The following SLC26A8 variants were observed in gnomAD, a reference collection of about 807,000 sequenced individuals.
SLC26A8 encodes testis anion transporter 1.
In SLC26A8, 70 loss-of-function variants were observed where a neutral mutation model predicts 105.0. The ratio of observed to expected loss-of-function variants is 0.67; its 90% CI spans 0.55 to 0.81. The LOEUF (loss-of-function observed/expected upper bound fraction) is 0.81, where lower values mean the gene tolerates loss of function less well. SLC26A8 is among the 40% of genes least tolerant of loss of function. The pLI is 0.00. For missense variants in SLC26A8, 998 were observed against 1,181.8 expected, an observed-to-expected ratio of 0.84 and a Z score of 2.28; for synonymous variants, 415 against 438.3, an observed-to-expected ratio of 0.95 and a Z score of 0.66.
intron 7 of SLC26A8, among the ~76,000 whole-genome samples, chr6:35,984,326 T>TTA (rs567215429): frequency 2.5e-3 from 358 of 145,980 alleles, no homozygotes; most frequent in Non-Finnish European, 3.9e-3. Flanking sequence ...CTTATTTTTT[T>TTA]TTTTTTTTTT....
intron 2 of SLC26A8, among the ~76,000 whole-genome samples, chr6:36,013,787 ATATAACT>A (rs1436244794): frequency 6.6e-6 from 1 of 152,224 alleles, no homozygotes; most frequent in Non-Finnish European, 1.5e-5. Context: ...ACAACAACAA[ATATAACT>A]TTAACGTAGT....
chr6:36,011,388 T>C (rs1416166294), intron 3 of SLC26A8, among the ~76,000 whole-genome samples: 1 of 152,222 alleles, frequency 6.6e-6, no homozygotes, highest in Non-Finnish European at 1.5e-5. Context: ...CAACTGGACT[T>C]GCCCATTGTG....
At chr6:35,983,958 C>T (rs1773384060) in intron 7 of SLC26A8, among the ~76,000 whole-genome samples, 1 of 152,018 alleles carries the variant, frequency 6.6e-6, no homozygotes, top group Non-Finnish European at 1.5e-5. Flanking sequence ...CATTTTAGAC[C>T]CTAGACCGTG....
intron 7 of SLC26A8, among the ~76,000 whole-genome samples, chr6:35,982,968 T>C (rs143315366): frequency 6.6e-6 from 1 of 152,334 alleles, no homozygotes; most frequent in African/African-American, 2.4e-5. Flanking sequence ...TAGCAGCTGT[T>C]ATAGCTTATA....
intron 17 of SLC26A8, 127 bp from the exon 18 acceptor site, chr6:35,951,626 T>C: frequency 1.1e-6 from 1 of 903,392 alleles, no homozygotes; most frequent in Non-Finnish European, 1.8e-6. Context: ...GTCACCCAGA[T>C]GGAGTGCAGT....
At chr6:36,024,380 C>A (rs1249573872) in intron 1 of SLC26A8, 124 bp downstream of exon 1, 1 of 445,950 alleles carries the variant, frequency 2.2e-6, no homozygotes, top group South Asian at 1.6e-5. Context: ...TCCACAGATA[C>A]TGACTGAGTG....
intron 1 of SLC26A8, among the ~76,000 whole-genome samples, chr6:36,022,628 G>C (rs1247834782): frequency 1.3e-5 from 2 of 152,092 alleles, no homozygotes; most frequent in Non-Finnish European, 2.9e-5. Context: ...AAACTCCTAC[G>C]ACCACAGTGA....
At chr6:36,023,381 T>C (rs1433986952) in intron 1 of SLC26A8, among the ~76,000 whole-genome samples, 1 of 151,736 alleles carries the variant, frequency 6.6e-6, no homozygotes, top group Non-Finnish European at 1.5e-5. Context: ...AAACCCCGTC[T>C]CTAATAAAAA....
intron 11 of SLC26A8, among the ~76,000 whole-genome samples, chr6:35,963,184 C>A (rs989095947): frequency 1.3e-5 from 2 of 152,170 alleles, no homozygotes; most frequent in Non-Finnish European, 2.9e-5. Context: ...GAGACAAAAA[C>A]TTCTTATCTG....
intron 9 of SLC26A8, among the ~76,000 whole-genome samples, chr6:35,976,718 G>C (rs1218822678): frequency 4.0e-5 from 6 of 150,614 alleles, no homozygotes. Flanking sequence ...TTTTTTTTTT[G>C]TATTTTTGGT....
chr6:35,968,609 G>GTGTGTA (rs1168496588), intron 11 of SLC26A8, among the ~76,000 whole-genome samples: 3 of 60,088 alleles, frequency 5.0e-5, no homozygotes, highest in African/African-American at 1.5e-4. Flanking sequence ...GTGTGTGTGT[G>GTGTGTA]TATATATATA....
At chr6:35,989,181 C>G (rs1029028120) in intron 7 of SLC26A8, among the ~76,000 whole-genome samples, 1 of 152,134 alleles carries the variant, frequency 6.6e-6, no homozygotes, top group African/African-American at 2.4e-5. Flanking sequence ...AGGTAACTGC[C>G]ACCCTAACTA....
chr6:35,956,182 G>A (rs1419140191), intron 16 of SLC26A8, among the ~76,000 whole-genome samples: 1 of 152,134 alleles, frequency 6.6e-6, no homozygotes, highest in East Asian at 1.9e-4. Context: ...AGGATTGCTT[G>A]AGCCTGGGAG....
chr6:35,945,620 C>T (rs1334856613), intron 19 of SLC26A8, among the ~76,000 whole-genome samples: 1 of 152,194 alleles, frequency 6.6e-6, no homozygotes, highest in Non-Finnish European at 1.5e-5. Flanking sequence ...GTCATCACCC[C>T]AGATTCAGAG....
rs750236843 is a variant in SLC26A8 at position 35,955,509 on chromosome 6, T to A, written c.1875A>T (p.Thr625=). ...GATCCAGTTTATTTTCAAATCGCTC[T>A]GTGTAAAGAATCTGGGACGACAGAG... ...DLEPLPRILY[T]ERFENKLDPE... The change falls in exon 17 of 20, where the codon ACA becomes ACT. Residue 625 remains threonine, a synonymous_variant. Coordinates refer to ENST00000490799, the MANE Select transcript of SLC26A8 (RefSeq NM_052961.4). 2 of 1,613,904 alleles carry A rather than the reference T, an allele frequency of 1.2e-6. No homozygotes were observed. The highest frequency in any genetic ancestry group is 2.7e-5 in the African/African-American group (2 of 74,928).
chr6:35,961,179 C>T, intron 12 of SLC26A8, 80 bp from the exon 13 acceptor site: 6 of 1,080,608 alleles, frequency 5.6e-6, no homozygotes, highest in Non-Finnish European at 8.3e-6. Flanking sequence ...TTTCTCAACT[C>T]ACCTTCACCC....
chr6:35,967,448 C>T (rs1772561228), intron 11 of SLC26A8, among the ~76,000 whole-genome samples: 7 of 152,198 alleles, frequency 4.6e-5, no homozygotes, highest in Admixed American at 3.3e-4. Context: ...TATAGACCTA[C>T]TGTAACCTAA....
Position 35,944,192 on chromosome 6 carries a change from A to G in SLC26A8, c.2621T>C (p.Leu874Pro). ...CAGCTCCCGATCCAGGTCTAGGTCCAGACCCAGCCCAGCCTCTTGTTCTGA... is the reference window on the plus strand; with the variant it reads ...CAGCTCCCGATCCAGGTCTAGGTCCGGACCCAGCCCAGCCTCTTGTTCTGA... ...LESEQEAGLG[L>P]DLDLDRELEP... Residue 874 changes from leucine (L) to proline (P), a missense_variant, in exon 20 of 20, where the codon CTG becomes CCG. By Grantham distance (98) the Leu-to-Pro change is moderately conservative. Coordinates refer to ENST00000490799, the MANE Select transcript of SLC26A8 (RefSeq NM_052961.4). The G allele has an allele frequency of 6.2e-7, 1 of 1,614,102 alleles. No individual in the cohort carries two copies. Among genetic ancestry groups the G allele is most frequent in the Non-Finnish European group, 8.5e-7 (1 of 1,179,976 alleles).
chr6:35,974,908 T>A (rs973200767), intron 10 of SLC26A8, among the ~76,000 whole-genome samples: 8 of 127,962 alleles, frequency 6.3e-5, no homozygotes, highest in Non-Finnish European at 1.4e-4. Flanking sequence ...AGCTAATTGT[T>A]TTTTTTTTTT....
Sources: gnomAD v4.1 joint callset for allele counts (sites outside exome capture counted in the v4.1 genomes callset) on GRCh38, gnomAD v4.1.1 for gene constraint, MANE v1.5 for transcripts, NCBI Gene and HGNC (gene_info 2026-07-23, HGNC 2026-07-21) for gene names.